Variants in STS observed in about 807,000 individuals in gnomAD.
The protein encoded by STS is steryl-sulfatase.
A neutral mutation model predicts 26.8 loss-of-function variants in STS; 7 were observed. The observed-to-expected ratio is 0.26, with a 90% CI of 0.15 to 0.49. The LOEUF is 0.49. STS is among the 20% of genes least tolerant of loss of function. STS has a pLI of 0.98. For missense variants in STS, 434 were observed against 465.6 expected, an observed-to-expected ratio of 0.93 and a Z score of 0.63; for synonymous variants, 199 against 189.4, an observed-to-expected ratio of 1.05 and a Z score of -0.42.
intron 8 of STS, among the ~76,000 whole-genome samples, chrX:7,318,013 C>T (rs1926794983): frequency 8.9e-6 from 1 of 111,737 alleles, no homozygotes; most frequent in South Asian, 3.8e-4. Flanking sequence ...TAGAACTATA[C>T]CTAATACCAT....
At chrX:7,268,750 G>A (rs1924127678) in intron 6 of STS, among the ~76,000 whole-genome samples, 1 of 111,664 alleles carries the variant, frequency 9.0e-6, no homozygotes, top group African/African-American at 3.3e-5. Flanking sequence ...AGTGGCTCAT[G>A]CCTGTAATCC....
chrX:7,349,387 G>A (rs1194250793), intron 10 of STS, among the ~76,000 whole-genome samples: 3 of 83,054 alleles, frequency 3.6e-5, no homozygotes, highest in Non-Finnish European at 4.4e-5. Flanking sequence ...CCAGGCTGGA[G>A]TGCAGTGGCA....
chrX:7,281,197 A>G (rs1448278472), intron 7 of STS, among the ~76,000 whole-genome samples: 1 of 111,972 alleles, frequency 8.9e-6, no homozygotes, highest in African/African-American at 3.2e-5. Context: ...ATGGAAAAAA[A>G]AAAAAGAAAA....
Position 7,240,493 on chromosome X carries a change from A to ATG in STS, c.-4-12663_-4-12662dup, listed in dbSNP as rs374194610. ...CACACACACACACACACAGATATGT[A>ATG]TGTGTGTGTGTGTGTGTGTGTGTGT... is the stretch of plus-strand genomic sequence containing the variant. On this transcript the variant is annotated intron_variant, in intron 2 of 10. Transcript: ENST00000674429. Among the ~76,000 whole-genome samples the ATG allele has an allele frequency of 4.2e-3, 306 of 72,651 alleles. 3 individuals carry two copies. Among genetic ancestry groups the ATG allele is most frequent in the African/African-American group, 0.011 (192 of 18,091 alleles). The allele number at this position is 72,651 out of a possible 115,157, so 63.1% of individuals were successfully genotyped here.
chrX:7,297,393 C>T (rs5934916), intron 7 of STS, among the ~76,000 whole-genome samples: 10,151 of 109,959 alleles, frequency 0.092, 466 homozygotes, highest in Non-Finnish European at 0.14. Flanking sequence ...TACTATGAAA[C>T]CTATATGCTA....
At chrX:7,211,627 G>A (rs768569238) in intron 2 of STS, among the ~76,000 whole-genome samples, 31 of 112,023 alleles carry the variant, frequency 2.8e-4, no homozygotes, top group Non-Finnish European at 4.1e-4. Flanking sequence ...GCTCTGCAGG[G>A]AAACCACTCT....
Position 7,221,097 on chromosome X carries a change from A to G in STS, c.-5+30089A>G, listed in dbSNP as rs141320972. On this transcript the variant is annotated intron_variant, in intron 2 of 10. Transcript: ENST00000674429. ...CCCCAACTGACAAAACTTGCTTTGT[A>G]GTTGTCTAAAGTCTTCTTCGTAGGA... Among the ~76,000 whole-genome samples, 32 of 112,409 alleles carry G rather than the reference A, an allele frequency of 2.8e-4. No individual in the cohort carries two copies. The East Asian group carries it at 8.4e-3, about 30-fold the overall frequency.
chrX:7,210,130 G>C (rs1920990230), intron 2 of STS, among the ~76,000 whole-genome samples: 1 of 111,200 alleles, frequency 9.0e-6, no homozygotes, highest in African/African-American at 3.3e-5. Flanking sequence ...ATTCCTTTGG[G>C]TATATACCCA....
intron 10 of STS, among the ~76,000 whole-genome samples, chrX:7,344,822 G>A (rs1169048323): frequency 9.0e-6 from 1 of 111,417 alleles, no homozygotes; most frequent in Non-Finnish European, 1.9e-5. Context: ...TCTATCATGC[G>A]CGCAGTGTCT....
chrX:7,218,807 A>T (rs1921417697), intron 2 of STS, among the ~76,000 whole-genome samples: 1 of 112,054 alleles, frequency 8.9e-6, no homozygotes, highest in Non-Finnish European at 1.9e-5. Flanking sequence ...CAACTTAGCA[A>T]CCTCTTTTTT....
At chrX:7,334,167 G>A in intron 10 of STS, 60 bp downstream of exon 10, 1 of 1,206,296 alleles carries the variant, frequency 8.3e-7, no homozygotes. Context: ...CATGGGAATA[G>A]ATAAAACTAA....
chrX:7,348,303 T>G (rs1448760038), intron 10 of STS, among the ~76,000 whole-genome samples: 1 of 111,945 alleles, frequency 8.9e-6, no homozygotes, highest in Non-Finnish European at 1.9e-5. Flanking sequence ...ATTGCATTAA[T>G]CAGTTTTGCA....
Position 7,323,206 on chromosome X carries a change from T to C in STS, c.1082-2133T>C, listed in dbSNP as rs754229129. The stretch of plus-strand genomic sequence containing the variant: ...CCGTTGTAATCATTGACCACAAATT[T>C]AGTGGCTCAAAACAACATGTTTTTT... On this transcript the variant is annotated intron_variant, in intron 8 of 10. Coordinates refer to ENST00000674429, the MANE Select transcript of STS (RefSeq NM_001320752.2). 4.5e-5 allele frequency among the ~76,000 whole-genome samples: 5 copies of C among 111,348 alleles called. No individual in the cohort carries two copies. The East Asian group carries it at 1.4e-3, about 32-fold the overall frequency.
chrX:7,304,759 G>T lies in STS; in HGVS notation c.944-287G>T, dbSNP rs751246173. Among the ~76,000 whole-genome samples the T allele has an allele frequency of 9.9e-5, 11 of 111,247 alleles. No individual in the cohort carries two copies. The South Asian group carries it at 4.2e-3, about 42-fold the overall frequency. On this transcript the variant is annotated intron_variant, in intron 7 of 10. Coordinates refer to ENST00000674429, the MANE Select transcript of STS (RefSeq NM_001320752.2). ...AAGTGGCTCTCCATCAATGAACCTG[G>T]TACTTTTAGAATACTTTCTCAGGTC...
At chrX:7,175,724 T>G (rs1343166592) in intron 1 of STS, among the ~76,000 whole-genome samples, 1 of 112,030 alleles carries the variant, frequency 8.9e-6, no homozygotes, top group African/African-American at 3.2e-5. Flanking sequence ...AAATAAATTC[T>G]TTAGTGTCTC....
intron 2 of STS, among the ~76,000 whole-genome samples, chrX:7,208,674 A>T (rs1272187962): frequency 1.8e-5 from 2 of 109,267 alleles, no homozygotes; most frequent in Non-Finnish European, 1.9e-5. Flanking sequence ...CCTTCCTTAT[A>T]TTTTTCCTTT....
intron 7 of STS, among the ~76,000 whole-genome samples, chrX:7,279,763 A>G (rs1422033471): frequency 9.1e-6 from 1 of 110,319 alleles, no homozygotes; most frequent in Non-Finnish European, 1.9e-5. Flanking sequence ...GTGTGGGATG[A>G]GGGGGAGGTT....
chrX:7,303,605 T>C (rs778948471), intron 7 of STS, among the ~76,000 whole-genome samples: 26 of 111,075 alleles, frequency 2.3e-4, no homozygotes, highest in Non-Finnish European at 4.3e-4. Context: ...CATTAAGAAA[T>C]GGAGTCAGGC....
chrX:7,292,846 A>G (rs1925483472), intron 7 of STS, among the ~76,000 whole-genome samples: 1 of 110,989 alleles, frequency 9.0e-6, no homozygotes, highest in Non-Finnish European at 1.9e-5. Flanking sequence ...TCACTTTGCC[A>G]CTGAACCAGT....
Sources: gnomAD v4.1 joint callset for allele counts (sites outside exome capture counted in the v4.1 genomes callset) on GRCh38, gnomAD v4.1.1 for gene constraint, MANE v1.5 for transcripts, NCBI Gene and HGNC (gene_info 2026-07-23, HGNC 2026-07-21) for gene names.